PON3: variants seen among roughly 807,000 people sequenced by gnomAD.
PON3 encodes the protein serum paraoxonase/lactonase 3.
A neutral mutation model predicts 36.3 loss-of-function variants in PON3; 37 were observed. The observed-to-expected ratio is 1.02, with a 90% CI of 0.78 to 1.34. The LOEUF is 1.34. PON3 is among the 40% of genes most tolerant of loss of function. PON3 has a pLI of 0.00. For missense variants in PON3, 415 were observed against 426.5 expected, an observed-to-expected ratio of 0.97 and a Z score of 0.24; for synonymous variants, 155 against 154.8, an observed-to-expected ratio of 1.00 and a Z score of -0.01.
At chr7:95,360,670 G>T (rs1808547037) in intron 8 of PON3, among the ~76,000 whole-genome samples, 1 of 152,024 alleles carries the variant, frequency 6.6e-6, no homozygotes. Context: ...TTGATCCCAG[G>T]ATTAATACAC....
At position 95,362,028 on chromosome 7, in the gene PON3, C is replaced by CA. The variant is rs1276961368; in HGVS notation, c.906+333dup. 2.0e-5 allele frequency among the ~76,000 whole-genome samples: 3 copies of CA among 152,174 alleles called. No individual in the cohort carries two copies. In the East Asian group the frequency reaches 5.8e-4, roughly 29 times the overall value. The stretch of plus-strand genomic sequence containing the variant: ...TGGACAGTGTGAAAGAAGATGGTAC[C>CA]ATATACAACTCTCTCTTTGTCTAAC... On this transcript the variant is annotated intron_variant, in intron 8 of 8. Transcript: ENST00000265627.
intron 3 of PON3, among the ~76,000 whole-genome samples, chr7:95,388,494 G>A (rs1809250496): frequency 1.3e-5 from 2 of 152,324 alleles, no homozygotes; most frequent in Admixed American, 1.3e-4. Context: ...GTTGGTGGGA[G>A]TGTAAATTAG....
chr7:95,383,715 A>T (rs1681162095), intron 3 of PON3, among the ~76,000 whole-genome samples: 1 of 152,194 alleles, frequency 6.6e-6, no homozygotes, highest in Non-Finnish European at 1.5e-5. Flanking sequence ...AACACAAACA[A>T]ATGGAAGAAC....
rs781181039 is a variant in PON3, at chr7:95,362,859, T to C, written c.696-18A>G. The C allele has an allele frequency of 2.4e-5, 38 of 1,570,332 alleles. 1 individual carries two copies. In the South Asian group the frequency reaches 2.6e-4, roughly 11 times the overall value. On this transcript the variant is annotated intron_variant, in intron 6 of 8. Coordinates refer to ENST00000265627, the MANE Select transcript of PON3 (RefSeq NM_000940.3). ...AGACATACCTTTGAAGTAAATGACA[T>C]TTACACTTAAGCAAGTGGTAATGAG...
intron 3 of PON3, among the ~76,000 whole-genome samples, chr7:95,388,889 T>C (rs1223281996): frequency 1.3e-5 from 2 of 151,960 alleles, no homozygotes; most frequent in Non-Finnish European, 2.9e-5. Flanking sequence ...AGTTGAACAA[T>C]GAGAACACAT....
At position 95,363,951 on chromosome 7, in the gene PON3, A is replaced by T. The variant is rs747017958; in HGVS notation, c.607T>A (p.Tyr203Asn). 2.5e-6 allele frequency: 4 copies of T among 1,613,896 alleles called. No individual in the cohort carries two copies. Among genetic ancestry groups the T allele is most frequent in the Non-Finnish European group, 3.4e-6 (4 of 1,179,792 alleles). The change falls in exon 6 of 9, where the codon TAT becomes AAT. Residue 203 changes from tyrosine to asparagine, a missense_variant. Physicochemically the swap from Tyr to Asn is moderately radical, Grantham distance 143. Coordinates refer to ENST00000265627, the MANE Select transcript of PON3 (RefSeq NM_000940.3). ...FEMILDLRWT[Y>N]VLFYSPREVK... is the part of the protein sequence containing the mutation. ...TCCCTTGGGCTGTAGAAAAGAACATAAGTCCAGCGAAGATCCAAGATCATC... is the reference window on the plus strand; with the variant it reads ...TCCCTTGGGCTGTAGAAAAGAACATTAGTCCAGCGAAGATCCAAGATCATC...
At chr7:95,382,845 C>G (rs1430993151) in intron 3 of PON3, among the ~76,000 whole-genome samples, 1 of 152,200 alleles carries the variant, frequency 6.6e-6, no homozygotes, top group Non-Finnish European at 1.5e-5. Flanking sequence ...CTCCCTAACT[C>G]ATTTTATGAG....
In PON3 at chr7:95,360,076, G is replaced by C. The variant is rs1585715773; in HGVS notation, c.962C>G (p.Ala321Gly). Residue 321 changes from alanine to glycine, a missense_variant, in exon 9 of 9, where the codon GCC (alanine) becomes GGC (glycine). Coordinates refer to ENST00000265627, the MANE Select transcript of PON3 (RefSeq NM_000940.3). The part of the protein sequence containing the change: ...SEKPRVSTVY[A>G]NNGSVLQGTS... ...GCCCTGAAGCACAGAGCCATTGTTG[G>C]CATACACGGTGCTCACCCTGGGCTT... 2 of 1,613,310 alleles carry C rather than the reference G, an allele frequency of 1.2e-6. No individual in the cohort carries two copies. Among genetic ancestry groups the C allele is most frequent in the African/African-American group, 2.7e-5 (2 of 74,848 alleles).
At chr7:95,395,633 T>A (rs1481118281) in intron 1 of PON3, among the ~76,000 whole-genome samples, 1 of 152,180 alleles carries the variant, frequency 6.6e-6, no homozygotes, top group East Asian at 1.9e-4. Flanking sequence ...GATCCACTCA[T>A]GAATGTGTAT....
At chr7:95,390,803 T>C (rs986648829) in intron 2 of PON3, among the ~76,000 whole-genome samples, 4 of 152,336 alleles carry the variant, frequency 2.6e-5, no homozygotes, top group Non-Finnish European at 4.4e-5. Context: ...TTTTTTTCTA[T>C]GGAAAGAGAC....
At chr7:95,361,471 A>G (rs1167149702) in intron 8 of PON3, among the ~76,000 whole-genome samples, 1 of 152,136 alleles carries the variant, frequency 6.6e-6, no homozygotes, top group Non-Finnish European at 1.5e-5. Context: ...CTTTAGTAGT[A>G]GGACCTGCTC....
chr7:95,359,943 C>A lies in PON3; in HGVS notation c.*30G>T, dbSNP rs1808526062. The A allele has an allele frequency of 2.5e-6, 3 of 1,207,632 alleles. No homozygotes were observed. The East Asian group carries it at 8.4e-5, about 34-fold the overall frequency. 74.8% of individuals were successfully genotyped at this position (1,207,632 alleles called of 1,614,324 possible). A position where few individuals can be genotyped will look rare whatever the true frequency, so the allele number is the denominator to read the frequency against. On this transcript the variant is annotated 3_prime_UTR_variant, in exon 9 of 9. Transcript: ENST00000265627. ...AGTTTACTTTTACAAAATATGTAGACTTTTTTTTTTTTTTTTTACTATCTA... is the reference window on the plus strand; with the variant it reads ...AGTTTACTTTTACAAAATATGTAGAATTTTTTTTTTTTTTTTTACTATCTA...
At chr7:95,375,733 T>C (rs1345881114) in intron 3 of PON3, among the ~76,000 whole-genome samples, 4 of 152,258 alleles carry the variant, frequency 2.6e-5, no homozygotes, top group Admixed American at 2.6e-4. Context: ...GAAACACTTC[T>C]GATAAATGGC....
chr7:95,373,073 C>T (rs1244689132), intron 3 of PON3, among the ~76,000 whole-genome samples: 1 of 152,148 alleles, frequency 6.6e-6, no homozygotes, highest in Non-Finnish European at 1.5e-5. Flanking sequence ...TGTGACAAAC[C>T]TTGGGGTTGG....
intron 3 of PON3, among the ~76,000 whole-genome samples, chr7:95,379,626 C>T (rs751539881): frequency 2.6e-5 from 4 of 152,208 alleles, no homozygotes; most frequent in South Asian, 2.1e-4. Flanking sequence ...AGTTTGAGAT[C>T]GAACTGCAAG....
At chr7:95,374,120 T>C (rs1808866516) in intron 3 of PON3, among the ~76,000 whole-genome samples, 1 of 152,066 alleles carries the variant, frequency 6.6e-6, no homozygotes, top group South Asian at 2.1e-4. Context: ...GTGGAAAAAA[T>C]TGTCTTCCAC....
intron 3 of PON3, among the ~76,000 whole-genome samples, chr7:95,381,907 C>T (rs1197928918): frequency 6.6e-6 from 1 of 152,216 alleles, no homozygotes; most frequent in Non-Finnish European, 1.5e-5. Context: ...ACATTCTTCT[C>T]AGCACCACAT....
intron 3 of PON3, among the ~76,000 whole-genome samples, chr7:95,385,660 T>A (rs1809173132): frequency 6.6e-6 from 1 of 152,180 alleles, no homozygotes; most frequent in Admixed American, 6.5e-5. Flanking sequence ...ATTGACCACA[T>A]AATTGGAAGT....
chr7:95,368,923 C>A (rs1808754596), intron 4 of PON3, among the ~76,000 whole-genome samples: 1 of 152,004 alleles, frequency 6.6e-6, no homozygotes. Context: ...ACTTATTATA[C>A]CATCTCCAAT....
Sources: allele counts gnomAD v4.1 joint callset (sites outside exome capture counted in the v4.1 genomes callset), GRCh38; gene constraint gnomAD v4.1.1; transcripts MANE v1.5; gene names NCBI Gene and HGNC (gene_info 2026-07-23, HGNC 2026-07-21).